Variants in TMEFF2 observed in about 807,000 individuals in gnomAD.
TMEFF2 encodes transmembrane protein with EGF like and two follistatin like domains 2.
In TMEFF2, 28 loss-of-function variants were observed where a neutral mutation model predicts 53.8. The observed-to-expected ratio is 0.52, with a 90% CI of 0.39 to 0.71. The LOEUF is 0.71. Among genes scored for constraint, TMEFF2 ranks in the 30% least tolerant of loss-of-function variants. The probability of loss-of-function intolerance (pLI) is 0.00; values close to 1 mark genes in which losing one functional copy is unlikely to be tolerated. For synonymous variants in TMEFF2, 162 were observed against 166.3 expected, an observed-to-expected ratio of 0.97 and a Z score of 0.20; for missense variants, 353 against 455.2, an observed-to-expected ratio of 0.78 and a Z score of 2.04.
At chr2:192,146,335 G>A (rs1391974020) in intron 4 of TMEFF2, among the ~76,000 whole-genome samples, 2 of 151,928 alleles carry the variant, frequency 1.3e-5, no homozygotes, top group Non-Finnish European at 2.9e-5. Flanking sequence ...TTAAATATTG[G>A]GCTAGATTAA....
intron 7 of TMEFF2, among the ~76,000 whole-genome samples, chr2:191,987,756 G>C (rs927570426): frequency 6.6e-6 from 1 of 152,152 alleles, no homozygotes; most frequent in African/African-American, 2.4e-5. Context: ...TCTGCAAAAT[G>C]CTATTTGTAA....
At chr2:192,158,825 TA>T (rs1178797904) in intron 4 of TMEFF2, among the ~76,000 whole-genome samples, 1 of 152,094 alleles carries the variant, frequency 6.6e-6, no homozygotes, top group Non-Finnish European at 1.5e-5. Context: ...TACATGAATT[TA>T]AAAAGAGAGC....
rs146714552 is a variant in TMEFF2 at position 192,040,620 on chromosome 2, C to T, written c.536+17059G>A. Among the ~76,000 whole-genome samples the T allele has an allele frequency of 3.3e-3, 497 of 152,182 alleles. 17 individuals are homozygous for T. The highest frequency in any genetic ancestry group is 0.03 in the Admixed American group (458 of 15,290). ...AAAATGCCACTAGGACCACTGGGGA[C>T]GCTTTGGGGGTAGTTCTTTAGAGCT... is the stretch of plus-strand genomic sequence containing the variant. On this transcript the variant is annotated intron_variant, in intron 5 of 9. Transcript: ENST00000272771.
At chr2:191,990,416 A>AGTGTGTGTGTGTGTGTGTGTGTGT (rs55848067) in intron 7 of TMEFF2, among the ~76,000 whole-genome samples, 19 of 147,246 alleles carry the variant, frequency 1.3e-4, no homozygotes, top group South Asian at 6.6e-4. Flanking sequence ...TGCTCAGAAT[A>AGTGTGTGTGTGTGTGTGTGTGTGT]GTGTGTGTGT....
At chr2:192,006,081 T>C (rs1360820444) in intron 5 of TMEFF2, among the ~76,000 whole-genome samples, 1 of 136,960 alleles carries the variant, frequency 7.3e-6, no homozygotes, top group Non-Finnish European at 1.6e-5. Context: ...TTTTTTAACT[T>C]ATAGTGGGCA....
intron 4 of TMEFF2, among the ~76,000 whole-genome samples, chr2:192,131,325 C>T (rs1408558555): frequency 6.7e-6 from 1 of 150,248 alleles, no homozygotes; most frequent in Non-Finnish European, 1.5e-5. Flanking sequence ...CCCTTCTCTC[C>T]TTGTCTCTAC....
intron 7 of TMEFF2, among the ~76,000 whole-genome samples, chr2:191,973,850 G>T (rs966908372): frequency 3.3e-5 from 5 of 152,086 alleles, no homozygotes; most frequent in African/African-American, 1.2e-4. Context: ...TTTATAAGGT[G>T]TTTTTCCCCA....
intron 5 of TMEFF2, among the ~76,000 whole-genome samples, chr2:192,019,130 A>G (rs1686806143): frequency 6.6e-6 from 1 of 152,104 alleles, no homozygotes; most frequent in Admixed American, 6.5e-5. Context: ...GACTGCCACT[A>G]TCGCAATATA....
At chr2:192,039,274 A>AT (rs1195970120) in intron 5 of TMEFF2, among the ~76,000 whole-genome samples, 7 of 152,228 alleles carry the variant, frequency 4.6e-5, no homozygotes, top group Non-Finnish European at 8.8e-5. Context: ...AATTCTATGA[A>AT]TAAAAAAAGA....
chr2:192,062,712 A>G (rs900136316), intron 4 of TMEFF2, among the ~76,000 whole-genome samples: 2 of 152,090 alleles, frequency 1.3e-5, no homozygotes, highest in African/African-American at 2.4e-5. Context: ...GGAAAAGTCA[A>G]ACTTGATCTT....
Position 192,003,915 on chromosome 2 carries a change from T to TTGTG in TMEFF2, c.537-4711_537-4708dup, listed in dbSNP as rs140281152. Among the ~76,000 whole-genome samples, 229 of 40,640 alleles carry TTGTG rather than the reference T, an allele frequency of 5.6e-3. 8 individuals carry two copies. The highest frequency in any genetic ancestry group is 0.022 in the Middle Eastern group (1 of 46). The allele number at this position is 40,640 out of a possible 152,430, so 26.7% of individuals were successfully genotyped here. ...TGTGTGTTTATATGAGTGAAAAAAT[T>TTGTG]TGTGTGTGTGTGTGGGGGGGGGGCT... On this transcript the variant is annotated intron_variant, in intron 5 of 9. Transcript: ENST00000272771.
chr2:192,149,741 T>C (rs1167411023), intron 4 of TMEFF2, among the ~76,000 whole-genome samples: 2 of 151,932 alleles, frequency 1.3e-5, no homozygotes, highest in East Asian at 3.9e-4. Context: ...TGATGAAATA[T>C]GTTGGAGTCA....
At chr2:192,147,256 A>G (rs1011478189) in intron 4 of TMEFF2, among the ~76,000 whole-genome samples, 1 of 152,076 alleles carries the variant, frequency 6.6e-6, no homozygotes, top group African/African-American at 2.4e-5. Context: ...AGACACAGTG[A>G]GCTAGAAGTA....
intron 7 of TMEFF2, among the ~76,000 whole-genome samples, chr2:191,980,551 A>G (rs186109122): frequency 5.3e-5 from 8 of 152,314 alleles, no homozygotes; most frequent in African/African-American, 1.7e-4. Flanking sequence ...CACAATTTCC[A>G]TCTGCTTCCA....
At chr2:192,115,007 A>G (rs780126911) in intron 4 of TMEFF2, among the ~76,000 whole-genome samples, 2 of 151,994 alleles carry the variant, frequency 1.3e-5, no homozygotes, top group Non-Finnish European at 2.9e-5. Flanking sequence ...TAAAGTCCAT[A>G]CTACCCAAAG....
chr2:192,174,348 T>C (rs144079380), intron 4 of TMEFF2, among the ~76,000 whole-genome samples: 2 of 151,906 alleles, frequency 1.3e-5, no homozygotes, highest in Admixed American at 6.6e-5. Context: ...AAACAAACTA[T>C]AGCCATGCTG....
chr2:192,133,490 CCTT>C lies in TMEFF2; in HGVS notation c.439+46175_439+46177del. 2.6e-5 allele frequency among the ~76,000 whole-genome samples: 4 copies of C among 152,292 alleles called. No homozygotes were observed. In the South Asian group the frequency reaches 8.3e-4, roughly 32 times the overall value. ...TGGCCTTTTAAAGCCTATAAACTCT[CCTT>C]ACAATTCCCCCATTTTAGCTGTCCT... On this transcript the variant is annotated intron_variant, in intron 4 of 9. Coordinates refer to ENST00000272771, the MANE Select transcript of TMEFF2 (RefSeq NM_016192.4).
At chr2:192,101,780 C>A (rs924017046) in intron 4 of TMEFF2, among the ~76,000 whole-genome samples, 4 of 152,286 alleles carry the variant, frequency 2.6e-5, no homozygotes, top group Admixed American at 2.6e-4. Context: ...GACATCTAGT[C>A]AGCCTGGAGA....
At chr2:192,173,309 A>G (rs1690960147) in intron 4 of TMEFF2, among the ~76,000 whole-genome samples, 1 of 151,880 alleles carries the variant, frequency 6.6e-6, no homozygotes, top group African/African-American at 2.4e-5. Context: ...AATAAATGCT[A>G]TAATAGTGCT....
Sources: allele counts gnomAD v4.1 joint callset (sites outside exome capture counted in the v4.1 genomes callset), GRCh38; gene constraint gnomAD v4.1.1; transcripts MANE v1.5; gene names NCBI Gene and HGNC (gene_info 2026-07-23, HGNC 2026-07-21).